BOK: variants seen among roughly 807,000 people sequenced by gnomAD.
BOK encodes the protein BCL2 family apoptosis regulator BOK, also known as bcl-2-related ovarian killer protein.
BOK carries 20 observed loss-of-function variants against 18.3 expected under a neutral mutation model. The ratio of observed to expected loss-of-function variants is 1.09; its 90% confidence interval spans 0.77 to 1.59. The LOEUF is 1.59. Among genes scored for constraint, BOK ranks in the 40% most tolerant of loss-of-function variants. BOK has a pLI of 0.00. For synonymous variants in BOK, 173 were observed against 142.4 expected (o/e 1.21, Z -1.53); for missense variants, 348 against 307.9 (o/e 1.13, Z -0.97).
At position 241,562,787 on chromosome 2, in the gene BOK, C is replaced by T. The variant is rs145857570; in HGVS notation, c.349+311C>T. The stretch of plus-strand genomic sequence containing the variant: ...TGACCTGCAGTCCTGTGGGGTGGCA[C>T]GTCCTAGGGCTGCCTGGTTTCCTGC... On this transcript the variant is annotated intron_variant, in intron 3 of 4. Coordinates refer to ENST00000318407, the MANE Select transcript of BOK (RefSeq NM_032515.5). This position sits in a 1 kb window ranked among gnomAD's most constrained non-coding sequence, Gnocchi z 4.5. Among the ~76,000 whole-genome samples, 82 of 152,294 alleles carry T rather than the reference C, an allele frequency of 5.4e-4. 1 individual carries two copies. Among genetic ancestry groups the T allele is most frequent in the Middle Eastern group, 3.4e-3 (1 of 294 alleles).
intron 3 of BOK, among the ~76,000 whole-genome samples, chr2:241,564,945 C>T (rs1247239243): frequency 6.6e-6 from 1 of 152,152 alleles, no homozygotes; most frequent in African/African-American, 2.4e-5. Context: ...ACCCGCCCGG[C>T]CTTGCTTGAG....
intron 4 of BOK, 41 bp downstream of exon 4, chr2:241,570,329 G>T: frequency 6.5e-7 from 1 of 1,531,958 alleles, no homozygotes. Context: ...GAGCTGGGGT[G>T]CGAGGGTGCA....
intron 3 of BOK, among the ~76,000 whole-genome samples, chr2:241,566,237 T>C (rs941332335): frequency 6.6e-6 from 1 of 151,810 alleles, no homozygotes. Flanking sequence ...TGAGCCGAGA[T>C]TGTGCCACTG....
chr2:241,554,187 G>A (rs370960169), upstream of BOK, among the ~76,000 whole-genome samples: 32 of 152,328 alleles, frequency 2.1e-4, no homozygotes, highest in Admixed American at 5.2e-4. Context: ...GTTCTGTGCC[G>A]TCAGGGGCTG....
intron 3 of BOK, among the ~76,000 whole-genome samples, chr2:241,569,733 G>T (rs2066676297): frequency 6.6e-6 from 1 of 152,208 alleles, no homozygotes; most frequent in South Asian, 2.1e-4. Context: ...GTCTGGGGAA[G>T]GCAGTTTCTC....
Position 241,570,405 on chromosome 2 carries a change from G to A in BOK, c.513+117G>A, listed in dbSNP as rs533527982. ...GCCTGGGGGGTGGGAGAGCTGGGGT[G>A]CGAGGGTACAGACGTACGGGAGGGA... On this transcript the variant is annotated intron_variant, in intron 4 of 4. Coordinates refer to ENST00000318407, the MANE Select transcript of BOK (RefSeq NM_032515.5). 261 of 658,960 alleles carry A rather than the reference G, an allele frequency of 4.0e-4. 3 individuals carry two copies. The highest frequency in any genetic ancestry group is 3.9e-3 in the South Asian group (188 of 48,452). 40.8% of individuals were successfully genotyped at this position (658,960 alleles called of 1,614,324 possible).
intron 1 of BOK, among the ~76,000 whole-genome samples, chr2:241,552,377 C>T (rs891115976): frequency 3.3e-5 from 5 of 152,190 alleles, no homozygotes; most frequent in Admixed American, 6.5e-5. Flanking sequence ...CGCTTGTGTT[C>T]GGCCCCACCC....
chr2:241,568,924 GCA>G (rs2066659566), intron 3 of BOK, among the ~76,000 whole-genome samples: 1 of 152,158 alleles, frequency 6.6e-6, no homozygotes, highest in African/African-American at 2.4e-5. Context: ...CTTCATCTTT[GCA>G]TGTACAGTGT....
chr2:241,562,377 G>T lies in BOK; in HGVS notation c.250G>T (p.Val84Phe), dbSNP rs199763136. Reference protein sequence around the residue: ...GDELEMIRPSVYRNVARQLHI... With the variant: ...GDELEMIRPSFYRNVARQLHI... Reference sequence around the variant, plus strand: ...TGAGCTGGAGATGATCCGGCCCAGCGTCTACCGCAACGTGGCGCGTCAGCT... The same window carrying T: ...TGAGCTGGAGATGATCCGGCCCAGCTTCTACCGCAACGTGGCGCGTCAGCT... The change falls in exon 3 of 5, where the codon GTC becomes TTC. Residue 84 changes from valine (V) to phenylalanine (F), a missense_variant. Coordinates refer to ENST00000318407, the MANE Select transcript of BOK (RefSeq NM_032515.5). This position sits in a 1 kb window ranked among gnomAD's most constrained non-coding sequence, Gnocchi z 4.5. 1.2e-6 allele frequency: 2 copies of T among 1,611,018 alleles called. No individual in the cohort carries two copies. The highest frequency in any genetic ancestry group is 2.2e-5 in the South Asian group (2 of 90,930).
intron 1 of BOK, among the ~76,000 whole-genome samples, chr2:241,553,325 T>A (rs2066427568): frequency 6.6e-6 from 1 of 152,138 alleles, no homozygotes; most frequent in South Asian, 2.1e-4. Context: ...TAATTTTTTG[T>A]ATTTTTAGTA....
chr2:241,568,969 GACTCCCTCCGGGGACCGCTGCTA>G (rs1480723881), intron 3 of BOK, among the ~76,000 whole-genome samples: 197 of 151,008 alleles, frequency 1.3e-3, no homozygotes, highest in African/African-American at 4.6e-3. Flanking sequence ...GACCACTGCT[GACTCCCTCCGGGGACCGCTGCTA>G]ACTCCCTGCG....
chr2:241,570,466 T>G (rs1213018615), intron 4 of BOK, among the ~76,000 whole-genome samples, 178 bp downstream of exon 4: 4 of 32,318 alleles, frequency 1.2e-4, no homozygotes, highest in Non-Finnish European at 1.8e-4. Flanking sequence ...GCCTGGGGGG[T>G]GGGAGAGCTG....
In BOK at chr2:241,559,842, C is replaced by T. The variant is rs534438853; in HGVS notation, c.220+139C>T. ...CGGCCAGGCGCTCGGGACAGGGCCA[C>T]CCAGGCGGGTGCTCCCGGATCTGCC... On this transcript the variant is annotated intron_variant, in intron 2 of 4. Transcript: ENST00000318407. The T allele has an allele frequency of 8.1e-5, 85 of 1,055,208 alleles. No individual in the cohort carries two copies. In the South Asian group the frequency reaches 2.8e-3, roughly 35 times the overall value. The allele number at this position is 1,055,208 out of a possible 1,614,324, so 65.4% of individuals were successfully genotyped here.
rs1198994031 is a variant in BOK at position 241,572,782 on chromosome 2, C to T, written c.*360C>T. On this transcript the variant is annotated 3_prime_UTR_variant, in exon 5 of 5. Coordinates refer to ENST00000318407, the MANE Select transcript of BOK (RefSeq NM_032515.5). ...TCACCTGAGCCCCAGGTGAAGGGGC[C>T]CGGGAACACCTGCTCTCACCTGAGC... 3 of 276,254 alleles carry T rather than the reference C, an allele frequency of 1.1e-5. No individual in the cohort carries two copies. The highest frequency in any genetic ancestry group is 2.1e-5 in the Non-Finnish European group (3 of 140,744). The allele number at this position is 276,254 out of a possible 1,614,324, so 17.1% of individuals were successfully genotyped here. A position where few individuals can be genotyped will look rare whatever the true frequency, so the allele number is the denominator to read the frequency against.
chr2:241,572,193 G>A, intron 4 of BOK, 104 bp from the exon 5 acceptor site: 1 of 1,509,844 alleles, frequency 6.6e-7, no homozygotes, highest in Admixed American at 1.9e-5. Context: ...TTCCCTTCAT[G>A]CAATTTTGCT....
chr2:241,555,802 C>T (rs2125041831), upstream of BOK, among the ~76,000 whole-genome samples: 1 of 152,288 alleles, frequency 6.6e-6, no homozygotes, highest in South Asian at 2.1e-4. Flanking sequence ...GCCCAGTGGC[C>T]CACTACCCCC....
rs895262642 is a variant in BOK, at chr2:241,559,869, T to C, written c.220+166T>C. Among the ~76,000 whole-genome samples the C allele has an allele frequency of 1.4e-4, 22 of 152,206 alleles. No homozygotes were observed. The East Asian group carries it at 4.3e-3, about 29-fold the overall frequency. On this transcript the variant is annotated intron_variant, in intron 2 of 4. Coordinates refer to ENST00000318407, the MANE Select transcript of BOK (RefSeq NM_032515.5). Reference sequence around the variant, plus strand: ...CAGGCGGGTGCTCCCGGATCTGCCCTCTCAGGCCTCCCACGCCACAGGCCC... The same window carrying C: ...CAGGCGGGTGCTCCCGGATCTGCCCCCTCAGGCCTCCCACGCCACAGGCCC...
In BOK at chr2:241,572,648, C is replaced by G; in HGVS notation, c.*226C>G. 1 of 619,816 alleles carries G rather than the reference C, an allele frequency of 1.6e-6. No homozygotes were observed. The highest frequency in any genetic ancestry group is 2.8e-6 in the Non-Finnish European group (1 of 358,544). 38.4% of individuals were successfully genotyped at this position (619,816 alleles called of 1,614,324 possible). ...CTTTGGGGCAGCCTGCGACCCTCCC[C>G]GCTTGTGTCCCTTCTCCTGTGATCT... On this transcript the variant is annotated 3_prime_UTR_variant, in exon 5 of 5. Coordinates refer to ENST00000318407, the MANE Select transcript of BOK (RefSeq NM_032515.5).
intron 1 of BOK, among the ~76,000 whole-genome samples, 188 bp downstream of exon 1, chr2:241,559,181 G>A (rs2066484215): frequency 6.6e-6 from 1 of 151,612 alleles, no homozygotes. Context: ...CGCCGCCCAC[G>A]CACTCGTCTT....
Sources: gnomAD v4.1 joint callset for allele counts (sites outside exome capture counted in the v4.1 genomes callset) on GRCh38, gnomAD v4.1.1 for gene constraint, Gnocchi (gnomAD v3.1) non-coding constraint, MANE v1.5 for transcripts, NCBI Gene and HGNC (gene_info 2026-07-23, HGNC 2026-07-21) for gene names.